Variants in SDR42E1 observed in about 807,000 individuals in gnomAD.
The protein encoded by SDR42E1 is short chain dehydrogenase/reductase family 42E, member 1.
SDR42E1 carries 5 observed loss-of-function variants against 2.6 expected under a neutral mutation model. That is an observed-to-expected ratio of 1.94 (90% CI 1.01 to 4.08). The LOEUF (loss-of-function observed/expected upper bound fraction) is 4.08, where lower values mean the gene tolerates loss of function less well. Ranked by LOEUF, SDR42E1 falls within the 30% of genes most tolerant of loss-of-function variation. SDR42E1 has a pLI of 0.00. For missense variants in SDR42E1, 596 were observed against 478.6 expected, an observed-to-expected ratio of 1.25 and a Z score of -2.29; for synonymous variants, 231 against 188.3, an observed-to-expected ratio of 1.23 and a Z score of -1.86.
chr16:82,005,182 T>C (rs1912894267), intron 1 of SDR42E1, among the ~76,000 whole-genome samples: 1 of 152,214 alleles, frequency 6.6e-6, no homozygotes, highest in Non-Finnish European at 1.5e-5. Flanking sequence ...AGGTCAATCA[T>C]GGTTCATGTG....
At position 81,999,195 on chromosome 16, in the gene SDR42E1, A is replaced by G. The variant is rs753857808; in HGVS notation, c.1098T>C (p.Cys366=). 6.2e-7 allele frequency: 1 copy of G among 1,614,074 alleles called. No homozygotes were observed. Among genetic ancestry groups the G allele is most frequent in the African/African-American group, 1.3e-5 (1 of 74,920 alleles). Residue 366 remains cysteine, a synonymous_variant, in exon 3 of 3, where the codon TGT becomes TGC. Transcript: ENST00000328945. ...GRSSGSRDSE[C]FVWDGLLVFL... ...AGACCAATAGCCCATCCCAAACAAA[A>G]CACTCCGAGTCACGACTTCCAGAAC...
intron 1 of SDR42E1, chr16:82,007,731 C>T (rs571823355): frequency 5.3e-5 from 8 of 152,332 alleles, no homozygotes; most frequent in African/African-American, 1.9e-4. Context: ...GGAGGTGGCC[C>T]ATCTTCTCCC....
rs931742464 is a variant in SDR42E1 at position 81,993,781 on chromosome 16, A to G, written c.*5330T>C. ...GCGTTTATGTTCTGGGGAGCAAATC[A>G]CTTCATCAAACAATTTCCATATAAA... is the stretch of plus-strand genomic sequence containing the variant. On this transcript the variant is annotated 3_prime_UTR_variant, in exon 3 of 3. Coordinates refer to ENST00000328945, the MANE Select transcript of SDR42E1 (RefSeq NM_145168.3). The G allele has an allele frequency of 1.3e-5, 2 of 152,212 alleles. No homozygotes were observed. The highest frequency in any genetic ancestry group is 2.9e-5 in the Non-Finnish European group (2 of 68,064). The allele number at this position is 152,212 out of a possible 1,614,324, so 9.4% of individuals were successfully genotyped here.
rs954670098 is a variant in SDR42E1 at position 81,995,316 on chromosome 16, T to C, written c.*3795A>G. On this transcript the variant is annotated 3_prime_UTR_variant, in exon 3 of 3. Coordinates refer to ENST00000328945, the MANE Select transcript of SDR42E1 (RefSeq NM_145168.3). ...TTTATTGTTAGGCAGGGTTGAGTGA[T>C]TCAATCTAAGGTTGAGGCAAGGTGA... is the stretch of plus-strand genomic sequence containing the variant. 1 of 152,260 alleles carries C rather than the reference T, an allele frequency of 6.6e-6. No homozygotes were observed. The highest frequency in any genetic ancestry group is 1.5e-5 in the Non-Finnish European group (1 of 68,124). 9.4% of individuals were successfully genotyped at this position (152,260 alleles called of 1,614,324 possible). A position where few individuals can be genotyped will look rare whatever the true frequency, so the allele number is the denominator to read the frequency against.
intron 1 of SDR42E1, among the ~76,000 whole-genome samples, chr16:82,006,897 G>A (rs550577208): frequency 1.4e-4 from 21 of 152,350 alleles, no homozygotes; most frequent in African/African-American, 5.1e-4. Context: ...TAATAGATAT[G>A]GGTATTTATG....
chr16:82,007,067 A>G (rs1912963946), intron 1 of SDR42E1, among the ~76,000 whole-genome samples: 1 of 152,234 alleles, frequency 6.6e-6, no homozygotes, highest in South Asian at 2.1e-4. Context: ...AAGAAATGAA[A>G]TAATTTTGTA....
At chr16:82,009,971 G>T (rs1004961871) in intron 1 of SDR42E1, among the ~76,000 whole-genome samples, 1 of 152,220 alleles carries the variant, frequency 6.6e-6, no homozygotes, top group Non-Finnish European at 1.5e-5. Context: ...AGTCTCAAAA[G>T]ATCTGATGGT....
At chr16:82,002,691 G>A (rs1452700505) in intron 1 of SDR42E1, among the ~76,000 whole-genome samples, 1 of 152,268 alleles carries the variant, frequency 6.6e-6, no homozygotes, top group East Asian at 1.9e-4. Context: ...AAAAGAGAAT[G>A]GACTTTGGGG....
chr16:82,001,735 T>C (rs886840644), intron 1 of SDR42E1, among the ~76,000 whole-genome samples: 3 of 151,850 alleles, frequency 2.0e-5, no homozygotes, highest in African/African-American at 7.3e-5. Context: ...ACCCCGTCTC[T>C]ACTAAAAATA....
Position 81,994,224 on chromosome 16 carries a change from C to T in SDR42E1, c.*4887G>A, listed in dbSNP as rs1263813546. 3.9e-5 allele frequency: 6 copies of T among 152,254 alleles called. No homozygotes were observed. The highest frequency in any genetic ancestry group is 1.4e-4 in the African/African-American group (6 of 41,446). 9.4% of individuals were successfully genotyped at this position (152,254 alleles called of 1,614,324 possible). A position where few individuals can be genotyped will look rare whatever the true frequency, so the allele number is the denominator to read the frequency against. Reference sequence around the variant, plus strand: ...AACCCCAGTGTAGTCACCAGGACCTCCTCCCTCTCCATTTTTTGGCTCTTC... The same window carrying T: ...AACCCCAGTGTAGTCACCAGGACCTTCTCCCTCTCCATTTTTTGGCTCTTC... On this transcript the variant is annotated 3_prime_UTR_variant, in exon 3 of 3. Transcript: ENST00000328945.
intron 1 of SDR42E1, among the ~76,000 whole-genome samples, chr16:82,009,866 T>C (rs1464705075): frequency 1.3e-5 from 2 of 152,206 alleles, no homozygotes; most frequent in Non-Finnish European, 2.9e-5. Flanking sequence ...GAATTGTAGA[T>C]CCCATAATTA....
intron 1 of SDR42E1, among the ~76,000 whole-genome samples, chr16:82,005,883 A>G (rs937146013): frequency 6.6e-6 from 1 of 152,222 alleles, no homozygotes; most frequent in African/African-American, 2.4e-5. Flanking sequence ...TTAAAAATCC[A>G]CCTGACCTCT....
At chr16:82,001,354 C>G (rs1912752323) in intron 1 of SDR42E1, among the ~76,000 whole-genome samples, 4 of 152,104 alleles carry the variant, frequency 2.6e-5, no homozygotes, top group Non-Finnish European at 2.9e-5. Context: ...TGGTTTAATA[C>G]TGCTTTATTA....
rs1217142007 is a variant in SDR42E1 at position 81,991,952 on chromosome 16, G to C, written c.*7159C>G. 6.6e-6 allele frequency: 1 copy of C among 152,130 alleles called. No homozygotes were observed. Among genetic ancestry groups the C allele is most frequent in the Non-Finnish European group, 1.5e-5 (1 of 68,060 alleles). 9.4% of individuals were successfully genotyped at this position (152,130 alleles called of 1,614,324 possible). A position where few individuals can be genotyped will look rare whatever the true frequency, so the allele number is the denominator to read the frequency against. ...GTGGATCACCTGAAGTCAGGAGTTT[G>C]AGACCAGCCTGGCCAACATGGCGAA... On this transcript the variant is annotated 3_prime_UTR_variant, in exon 3 of 3. Transcript: ENST00000328945.
intron 1 of SDR42E1, among the ~76,000 whole-genome samples, chr16:82,006,103 A>G (rs148941381): frequency 5.2e-4 from 79 of 152,306 alleles, no homozygotes; most frequent in African/African-American, 1.8e-3. Context: ...CTGGTATCAT[A>G]ATGCAATATA....
At chr16:82,009,575 C>T (rs1913058512) in intron 1 of SDR42E1, among the ~76,000 whole-genome samples, 1 of 152,204 alleles carries the variant, frequency 6.6e-6, no homozygotes, top group African/African-American at 2.4e-5. Context: ...GCCAATTTCT[C>T]CTTTTTGGAA....
chr16:82,000,164 A>T lies in SDR42E1; in HGVS notation c.129T>A (p.Pro43=). The change falls in exon 3 of 3, where the codon CCT becomes CCA. Residue 43 remains proline, a synonymous_variant. Transcript: ENST00000328945. ...TGATTCCTTCTGGAATGGTTTGAGCAGGGCTGCTGATGTCAAACAGAATCA... is the reference window on the plus strand; with the variant it reads ...TGATTCCTTCTGGAATGGTTTGAGCTGGGCTGCTGATGTCAAACAGAATCA... The part of the protein sequence containing the change: ...VHVILFDISS[P]AQTIPEGIKF... 3 of 1,612,948 alleles carry T rather than the reference A, an allele frequency of 1.9e-6. No individual in the cohort carries two copies. Among genetic ancestry groups the T allele is most frequent in the Non-Finnish European group, 2.5e-6 (3 of 1,179,168 alleles).
At chr16:82,005,235 G>T (rs1321182367) in intron 1 of SDR42E1, among the ~76,000 whole-genome samples, 1 of 152,188 alleles carries the variant, frequency 6.6e-6, no homozygotes, top group Non-Finnish European at 1.5e-5. Flanking sequence ...GATTATTAAT[G>T]CTTCAGAAAC....
Position 81,997,999 on chromosome 16 carries a change from T to A in SDR42E1, c.*1112A>T, listed in dbSNP as rs1431731711. On this transcript the variant is annotated 3_prime_UTR_variant, in exon 3 of 3. Transcript: ENST00000328945. ...TAATGTTCCCATACTATCCTTTCTG[T>A]AGCTGGAGCCATGGACAGACATGGA... 6.6e-6 allele frequency: 1 copy of A among 152,234 alleles called. No homozygotes were observed. Among genetic ancestry groups the A allele is most frequent in the Non-Finnish European group, 1.5e-5 (1 of 68,036 alleles). The allele number at this position is 152,234 out of a possible 1,614,324, so 9.4% of individuals were successfully genotyped here.
Sources: allele counts gnomAD v4.1 joint callset (sites outside exome capture counted in the v4.1 genomes callset), GRCh38; gene constraint gnomAD v4.1.1; transcripts MANE v1.5; gene names NCBI Gene and HGNC (gene_info 2026-07-23, HGNC 2026-07-21).